CDH4: variants seen among roughly 807,000 people sequenced by gnomAD.
CDH4 encodes the protein cadherin-4.
In CDH4, 33 loss-of-function variants were observed where a neutral mutation model predicts 86.0. That is an observed-to-expected ratio of 0.38 (90% CI 0.29 to 0.51). The LOEUF is 0.51. CDH4 is among the 20% of genes least tolerant of loss of function. CDH4 has a pLI of 0.86. For missense variants in CDH4, 1,114 were observed against 1,307.4 expected, an observed-to-expected ratio of 0.85 and a Z score of 2.28; for synonymous variants, 555 against 549.4, an observed-to-expected ratio of 1.01 and a Z score of -0.14.
chr20:61,444,517 G>A (rs976498223), intron 2 of CDH4, among the ~76,000 whole-genome samples: 13 of 151,024 alleles, frequency 8.6e-5, no homozygotes, highest in East Asian at 3.9e-4. Context: ...GTGTTTCTGC[G>A]TGTGTTTTTG....
intron 2 of CDH4, among the ~76,000 whole-genome samples, chr20:61,257,028 G>C (rs2084102371): frequency 6.6e-6 from 1 of 152,246 alleles, no homozygotes; most frequent in Non-Finnish European, 1.5e-5. Context: ...CAGTGAGGAG[G>C]CCTGTGTGAA....
chr20:61,599,816 T>C (rs1416413455), intron 2 of CDH4: 3 of 985,526 alleles, frequency 3.0e-6, no homozygotes, highest in East Asian at 1.1e-4. Flanking sequence ...GCTGCCCCTT[T>C]CCTGTTCCTG....
intron 2 of CDH4, among the ~76,000 whole-genome samples, chr20:61,741,131 C>A (rs1004409379): frequency 6.6e-6 from 1 of 152,138 alleles, no homozygotes; most frequent in Non-Finnish European, 1.5e-5. Context: ...ATTACTTGAA[C>A]CTGGGAGGCG....
At chr20:61,453,341 T>C (rs1200260089) in intron 2 of CDH4, among the ~76,000 whole-genome samples, 2 of 152,262 alleles carry the variant, frequency 1.3e-5, no homozygotes, top group East Asian at 3.9e-4. Flanking sequence ...TGCAAGTTCC[T>C]GTGGGGCGGC....
At chr20:61,503,665 G>A (rs1276460250) in intron 2 of CDH4, among the ~76,000 whole-genome samples, 2 of 152,166 alleles carry the variant, frequency 1.3e-5, no homozygotes, top group Non-Finnish European at 2.9e-5. Flanking sequence ...TGGCTTTAGG[G>A]TAATTGACTC....
chr20:61,485,192 T>G (rs1001324272), intron 2 of CDH4, among the ~76,000 whole-genome samples: 1 of 152,210 alleles, frequency 6.6e-6, no homozygotes, highest in Non-Finnish European at 1.5e-5. Flanking sequence ...AGCCGTGAGC[T>G]TCTAAAGATC....
intron 2 of CDH4, among the ~76,000 whole-genome samples, chr20:61,647,953 G>A (rs939339158): frequency 6.6e-6 from 1 of 152,176 alleles, no homozygotes; most frequent in Non-Finnish European, 1.5e-5. Flanking sequence ...GCGGCCTGCC[G>A]AGTGAGTGGG....
At chr20:61,562,576 T>TGTA (rs1379140794) in intron 2 of CDH4, among the ~76,000 whole-genome samples, 1 of 152,154 alleles carries the variant, frequency 6.6e-6, no homozygotes, top group Non-Finnish European at 1.5e-5. Context: ...CCCTGCAGGA[T>TGTA]CTGAGCACAG....
intron 2 of CDH4, among the ~76,000 whole-genome samples, chr20:61,298,706 C>CA (rs11481019): frequency 0.69 from 90,289 of 130,902 alleles, 30,096 homozygotes; most frequent in Admixed American, 0.77. Context: ...TTTCTCTTGC[C>CA]AAAAAAAAAA....
chr20:61,865,217 A>G (rs1406785520), intron 6 of CDH4, among the ~76,000 whole-genome samples: 1 of 152,142 alleles, frequency 6.6e-6, no homozygotes, highest in African/African-American at 2.4e-5. Flanking sequence ...AATGTAGGTG[A>G]TGAACTGACT....
chr20:61,325,974 G>A (rs538571996), intron 2 of CDH4, among the ~76,000 whole-genome samples: 11 of 152,282 alleles, frequency 7.2e-5, no homozygotes, highest in East Asian at 1.9e-4. Flanking sequence ...TGATGGTGGC[G>A]GTACCGGTTC....
chr20:61,460,901 C>T (rs934251872), intron 2 of CDH4, among the ~76,000 whole-genome samples: 7 of 152,148 alleles, frequency 4.6e-5, no homozygotes, highest in Non-Finnish European at 1.0e-4. Flanking sequence ...TCCCTGGTGG[C>T]TCTCTTGCCA....
intron 2 of CDH4, among the ~76,000 whole-genome samples, chr20:61,295,000 G>A (rs2084344615): frequency 1.3e-5 from 2 of 152,256 alleles, no homozygotes; most frequent in Non-Finnish European, 2.9e-5. Context: ...GAGCCCGCGA[G>A]AATGTCCCCT....
chr20:61,276,027 G>A (rs2084229613), intron 2 of CDH4, among the ~76,000 whole-genome samples: 1 of 152,174 alleles, frequency 6.6e-6, no homozygotes, highest in Non-Finnish European at 1.5e-5. Context: ...CTGACAGCGG[G>A]TTCGTTATGC....
At chr20:61,408,170 G>A (rs1339428151) in intron 2 of CDH4, among the ~76,000 whole-genome samples, 2 of 152,108 alleles carry the variant, frequency 1.3e-5, no homozygotes, top group African/African-American at 4.8e-5. Context: ...GGGTCCCTGA[G>A]ATTACACTTC....
intron 13 of CDH4, 105 bp from the exon 14 acceptor site, chr20:61,932,878 TTG>T: frequency 7.0e-7 from 1 of 1,419,218 alleles, no homozygotes; most frequent in South Asian, 1.3e-5. Context: ...ACAGTCATGC[TTG>T]TGTGCCACCT....
chr20:61,331,049 A>T (rs2084569821), intron 2 of CDH4, among the ~76,000 whole-genome samples: 1 of 151,486 alleles, frequency 6.6e-6, no homozygotes, highest in African/African-American at 2.4e-5. Context: ...CTGCAATTTC[A>T]CTCCCACTAA....
intron 3 of CDH4, among the ~76,000 whole-genome samples, chr20:61,747,624 A>G (rs1000256637): frequency 6.6e-6 from 1 of 152,206 alleles, no homozygotes; most frequent in Non-Finnish European, 1.5e-5. Context: ...AACTAAACCA[A>G]ACAAAATGAA....
At chr20:61,311,152 T>C (rs1229409854) in intron 2 of CDH4, among the ~76,000 whole-genome samples, 1 of 152,084 alleles carries the variant, frequency 6.6e-6, no homozygotes, top group Admixed American at 6.5e-5. Flanking sequence ...GTTAGTTGAA[T>C]TCCAAGTGGA....
Sources: allele counts gnomAD v4.1 joint callset (sites outside exome capture counted in the v4.1 genomes callset), GRCh38; gene constraint gnomAD v4.1.1; transcripts MANE v1.5; gene names NCBI Gene and HGNC (gene_info 2026-07-23, HGNC 2026-07-21).